LMAN1: variants seen among roughly 807,000 people sequenced by gnomAD.
LMAN1 encodes lectin, mannose binding 1.
Under a neutral mutation model 67.8 loss-of-function variants are expected in LMAN1, and 32 were observed. That is an observed-to-expected ratio of 0.47 (90% CI 0.36 to 0.63). The LOEUF is 0.63. LMAN1 is among the 30% of genes least tolerant of loss of function. The pLI, the probability that LMAN1 is intolerant of heterozygous loss-of-function variation, is 0.00. For missense variants in LMAN1, 632 were observed against 628.2 expected (o/e 1.01, Z -0.06); for synonymous variants, 235 against 219.3 (o/e 1.07, Z -0.63).
chr18:59,358,952 A>G, intron 1 of LMAN1, 79 bp downstream of exon 1: 1 of 1,421,296 alleles, frequency 7.0e-7, no homozygotes, highest in East Asian at 2.3e-5. Context: ...TCAGCACACC[A>G]GGGTAGCCGC....
chr18:59,341,604 T>C (rs62094057), intron 8 of LMAN1, among the ~76,000 whole-genome samples: 20,806 of 152,050 alleles, frequency 0.14, 1,593 homozygotes, highest in Non-Finnish European at 0.18. Flanking sequence ...AACATTCACT[T>C]TGTCAATGAA....
At chr18:59,342,482 G>A (rs749796613) in intron 8 of LMAN1, among the ~76,000 whole-genome samples, 9 of 152,134 alleles carry the variant, frequency 5.9e-5, no homozygotes, top group Non-Finnish European at 7.4e-5. Flanking sequence ...GATCAAGGTG[G>A]GATTTATCCC....
At chr18:59,356,891 A>C (rs1007396153) in intron 1 of LMAN1, among the ~76,000 whole-genome samples, 3 of 152,210 alleles carry the variant, frequency 2.0e-5, no homozygotes, top group African/African-American at 7.2e-5. Flanking sequence ...AAGGGTTACA[A>C]ATTATCATTT....
At chr18:59,352,393 A>G (rs1908562879) in intron 5 of LMAN1, among the ~76,000 whole-genome samples, 1 of 152,200 alleles carries the variant, frequency 6.6e-6, no homozygotes, top group Admixed American at 6.5e-5. Flanking sequence ...ATCTTTCTAA[A>G]TTGCAAATCT....
chr18:59,331,216 A>G (rs2144207074), intron 12 of LMAN1, 87 bp from the exon 13 acceptor site: 1 of 1,205,340 alleles, frequency 8.3e-7, no homozygotes, highest in East Asian at 2.3e-5. Flanking sequence ...TAAAATATCA[A>G]TGCCTTTTGA....
At position 59,359,022 on chromosome 18, in the gene LMAN1, C is replaced by T. The variant is rs777278888; in HGVS notation, c.214+9G>A. 2 of 1,613,540 alleles carry T rather than the reference C, an allele frequency of 1.2e-6. No homozygotes were observed. The highest frequency in any genetic ancestry group is 2.2e-5 in the South Asian group (2 of 91,070). ...GGAACCCGGCCCCCAGCCCTCTGCT[C>T]CGGCTTACTCCCCGCGTGGGCCCAG... On this transcript the variant is annotated intron_variant, in intron 1 of 12. Transcript: ENST00000251047.
chr18:59,357,421 T>C (rs535439810), intron 1 of LMAN1, among the ~76,000 whole-genome samples: 1 of 152,202 alleles, frequency 6.6e-6, no homozygotes, highest in African/African-American at 2.4e-5. Context: ...GGTGTAGAAG[T>C]GAAAATGTGT....
chr18:59,352,730 C>A (rs1048043616), intron 5 of LMAN1: 2 of 182,962 alleles, frequency 1.1e-5, no homozygotes, highest in Admixed American at 5.4e-5. Context: ...CCCACCTCCA[C>A]CTGGCAGTTA....
rs2070734088 is a variant in LMAN1, at chr18:59,329,422, T to C, written c.*1671A>G. The stretch of plus-strand genomic sequence containing the variant: ...AGTTTCATAGTTTACAACTTAAATA[T>C]TCCTCTGAAGGTATTTAATTTTTTT... On this transcript the variant is annotated 3_prime_UTR_variant, in exon 13 of 13. Coordinates refer to ENST00000251047, the MANE Select transcript of LMAN1 (RefSeq NM_005570.4). The C allele has an allele frequency of 6.6e-6, 1 of 152,200 alleles. No homozygotes were observed. The highest frequency in any genetic ancestry group is 2.1e-4 in the South Asian group (1 of 4,834). 9.4% of individuals were successfully genotyped at this position (152,200 alleles called of 1,614,324 possible). A position where few individuals can be genotyped will look rare whatever the true frequency, so the allele number is the denominator to read the frequency against.
At position 59,328,572 on chromosome 18, in the gene LMAN1, T is replaced by C. The variant is rs1183098834; in HGVS notation, c.*2521A>G. 1 of 152,184 alleles carries C rather than the reference T, an allele frequency of 6.6e-6. No homozygotes were observed. The highest frequency in any genetic ancestry group is 1.5e-5 in the Non-Finnish European group (1 of 68,046). The allele number at this position is 152,184 out of a possible 1,614,324, so 9.4% of individuals were successfully genotyped here. Reference sequence around the variant, plus strand: ...CTCTAAATTAACAAAACACCTATTTTTTTTTTCCCACTCCTCATTTTAGTG... The same window carrying C: ...CTCTAAATTAACAAAACACCTATTTCTTTTTTCCCACTCCTCATTTTAGTG... On this transcript the variant is annotated 3_prime_UTR_variant, in exon 13 of 13. Transcript: ENST00000251047.
intron 6 of LMAN1, among the ~76,000 whole-genome samples, chr18:59,348,871 C>CTATAAAATAG (rs1237989107): frequency 6.6e-6 from 1 of 152,202 alleles, no homozygotes; most frequent in African/African-American, 2.4e-5. Flanking sequence ...TAAAATAGCA[C>CTATAAAATAG]CCAAACTGAT....
At chr18:59,338,433 G>T in intron 10 of LMAN1, 124 bp downstream of exon 10, 5 of 753,862 alleles carry the variant, frequency 6.6e-6, no homozygotes, top group Non-Finnish European at 9.2e-6. Flanking sequence ...TTTGTAAAAT[G>T]AATCTAGAAC....
intron 8 of LMAN1, among the ~76,000 whole-genome samples, chr18:59,339,689 G>A (rs1401223003): frequency 2.0e-5 from 3 of 152,136 alleles, no homozygotes; most frequent in African/African-American, 4.8e-5. Flanking sequence ...GGCTGCAGTC[G>A]CTGCAATGTT....
At chr18:59,354,651 G>T (rs1181335877) in intron 3 of LMAN1, 71 bp from the exon 4 acceptor site, 3 of 774,916 alleles carry the variant, frequency 3.9e-6, no homozygotes, top group Non-Finnish European at 6.5e-6. Flanking sequence ...GATGTACTAT[G>T]AAGTGACTTA....
At chr18:59,331,321 G>T in intron 12 of LMAN1, 97 bp downstream of exon 12, 1 of 1,278,390 alleles carries the variant, frequency 7.8e-7, no homozygotes. Context: ...TTTTATAGGT[G>T]GTGAAAATTG....
At chr18:59,357,386 TAGA>T (rs1908683543) in intron 1 of LMAN1, among the ~76,000 whole-genome samples, 1 of 152,144 alleles carries the variant, frequency 6.6e-6, no homozygotes, top group Non-Finnish European at 1.5e-5. Flanking sequence ...AGAAAAGGGA[TAGA>T]AGAACAGGCA....
intron 7 of LMAN1, among the ~76,000 whole-genome samples, 177 bp downstream of exon 7, chr18:59,347,336 A>G (rs1358540251): frequency 1.3e-4 from 3 of 23,724 alleles, no homozygotes; most frequent in African/African-American, 4.6e-4. Context: ...AAAAAAAAAA[A>G]AAAAAAAAAA....
intron 6 of LMAN1, among the ~76,000 whole-genome samples, chr18:59,347,979 T>C (rs142080877): frequency 6.6e-6 from 1 of 152,188 alleles, no homozygotes; most frequent in African/African-American, 2.4e-5. Context: ...TGAGAGAAAA[T>C]CCTGGTCTCC....
At chr18:59,357,963 TA>T (rs150790005) in intron 1 of LMAN1, among the ~76,000 whole-genome samples, 19,808 of 102,434 alleles carry the variant, frequency 0.19, 1,385 homozygotes, top group Non-Finnish European at 0.22. Flanking sequence ...AACCTTATAG[TA>T]AAAAAAAAAA....
Sources: allele counts gnomAD v4.1 joint callset (sites outside exome capture counted in the v4.1 genomes callset), GRCh38; gene constraint gnomAD v4.1.1; transcripts MANE v1.5; gene names NCBI Gene and HGNC (gene_info 2026-07-23, HGNC 2026-07-21).